Variants in ZCWPW2 observed in about 807,000 individuals in gnomAD.
The protein encoded by ZCWPW2 is zinc finger CW-type PWWP domain protein 2.
Under a neutral mutation model 46.6 loss-of-function variants are expected in ZCWPW2, and 45 were observed. The ratio of observed to expected loss-of-function variants is 0.96; its 90% CI spans 0.76 to 1.24. ZCWPW2 has a LOEUF of 1.24. ZCWPW2 is among the 50% of genes most tolerant of loss of function. The pLI, the probability that ZCWPW2 is intolerant of heterozygous loss-of-function variation, is 0.00. For missense variants in ZCWPW2, 429 were observed against 403.9 expected (o/e 1.06, Z -0.53); for synonymous variants, 152 against 137.1 (o/e 1.11, Z -0.76).
chr3:28,382,717 T>G (rs907600721), intron 1 of ZCWPW2, among the ~76,000 whole-genome samples: 10 of 152,174 alleles, frequency 6.6e-5, no homozygotes, highest in African/African-American at 2.4e-4. Flanking sequence ...ATACTGAGTC[T>G]TTGATAGGAA....
chr3:28,359,709 AATC>A (rs1208443900), intron 1 of ZCWPW2, among the ~76,000 whole-genome samples: 1 of 152,178 alleles, frequency 6.6e-6, no homozygotes, highest in Non-Finnish European at 1.5e-5. Flanking sequence ...GCAATCAGGA[AATC>A]ATCAACTATA....
intron 4 of ZCWPW2, among the ~76,000 whole-genome samples, chr3:28,450,066 T>G (rs573931082): frequency 6.6e-6 from 1 of 152,180 alleles, no homozygotes; most frequent in Non-Finnish European, 1.5e-5. Flanking sequence ...TCAGAATCTC[T>G]TGGAAAAGGG....
chr3:28,406,957 A>T lies in ZCWPW2; in HGVS notation c.-13-6099A>T, dbSNP rs987207205. 4.6e-5 allele frequency among the ~76,000 whole-genome samples: 7 copies of T among 151,912 alleles called. No individual in the cohort carries two copies. In the East Asian group the frequency reaches 1.4e-3, roughly 29 times the overall value. ...ATCCTCATGCCTCAGCCTTCTGAAT[A>T]ATGGGAATATAGGTGTGCCCTATAA... is the stretch of plus-strand genomic sequence containing the variant. On this transcript the variant is annotated intron_variant, in intron 2 of 9. Coordinates refer to ENST00000383768, the MANE Select transcript of ZCWPW2 (RefSeq NM_001040432.4).
At position 28,498,572 on chromosome 3, in the gene ZCWPW2, G is replaced by A. The variant is rs142688657; in HGVS notation, c.657+6399G>A. ...ATTTCTCCTTAGAATGACATAGGAA[G>A]TCAGGACTTAAGAAAATTTTAAATT... On this transcript the variant is annotated intron_variant, in intron 6 of 9. Transcript: ENST00000383768. Among the ~76,000 whole-genome samples, 5 of 151,868 alleles carry A rather than the reference G, an allele frequency of 3.3e-5. No individual in the cohort carries two copies. In the East Asian group the frequency reaches 9.7e-4, roughly 29 times the overall value.
intron 1 of ZCWPW2, among the ~76,000 whole-genome samples, chr3:28,352,267 C>T (rs765545115): frequency 3.9e-5 from 6 of 152,162 alleles, no homozygotes; most frequent in Non-Finnish European, 8.8e-5. Flanking sequence ...AACTGGGCAA[C>T]ATACATCCTT....
intron 1 of ZCWPW2, among the ~76,000 whole-genome samples, chr3:28,367,134 C>T (rs1705149725): frequency 6.6e-6 from 1 of 152,006 alleles, no homozygotes; most frequent in Admixed American, 6.6e-5. Flanking sequence ...TTTTTTGTGT[C>T]TCTCTTTCCT....
intron 4 of ZCWPW2, among the ~76,000 whole-genome samples, chr3:28,437,669 C>T (rs1431821270): frequency 1.3e-5 from 2 of 152,162 alleles, no homozygotes; most frequent in East Asian, 3.9e-4. Context: ...TTCATTGATA[C>T]ACTGAGATAC....
chr3:28,364,193 T>G (rs780874874), intron 1 of ZCWPW2, among the ~76,000 whole-genome samples: 14 of 152,222 alleles, frequency 9.2e-5, no homozygotes, highest in Non-Finnish European at 2.1e-4. Flanking sequence ...TATAAGTTGG[T>G]ACAACCACTT....
intron 1 of ZCWPW2, among the ~76,000 whole-genome samples, chr3:28,352,294 A>G (rs1021194856): frequency 1.3e-5 from 2 of 152,162 alleles, no homozygotes; most frequent in African/African-American, 2.4e-5. Flanking sequence ...TAACCTTGAG[A>G]GGAACATAAA....
At chr3:28,389,793 G>A (rs1340641729) in intron 1 of ZCWPW2, among the ~76,000 whole-genome samples, 2 of 152,192 alleles carry the variant, frequency 1.3e-5, no homozygotes, top group Non-Finnish European at 2.9e-5. Flanking sequence ...GGGGAGGCCA[G>A]TGGGCTGGAG....
At chr3:28,376,078 A>G (rs1360940852) in intron 1 of ZCWPW2, among the ~76,000 whole-genome samples, 1 of 152,030 alleles carries the variant, frequency 6.6e-6, no homozygotes, top group African/African-American at 2.4e-5. Context: ...AATCTTAACT[A>G]TTGTAATCAG....
intron 1 of ZCWPW2, among the ~76,000 whole-genome samples, chr3:28,355,276 G>A (rs908186840): frequency 6.6e-6 from 1 of 152,120 alleles, no homozygotes; most frequent in African/African-American, 2.4e-5. Context: ...AAAATACCTA[G>A]GAATCCAACT....
intron 5 of ZCWPW2, among the ~76,000 whole-genome samples, chr3:28,480,991 G>C (rs574994655): frequency 4.3e-4 from 64 of 150,192 alleles, no homozygotes; most frequent in African/African-American, 1.5e-3. Context: ...TCAGCCTCCC[G>C]AGTAGTTGGG....
Position 28,425,297 on chromosome 3 carries a change from C to G in ZCWPW2, c.333-9813C>G, listed in dbSNP as rs572468416. Among the ~76,000 whole-genome samples the G allele has an allele frequency of 2.0e-5, 3 of 152,284 alleles. No individual in the cohort carries two copies. The East Asian group carries it at 5.8e-4, about 29-fold the overall frequency. On this transcript the variant is annotated intron_variant, in intron 3 of 9. Transcript: ENST00000383768. The stretch of plus-strand genomic sequence containing the variant: ...CTCTTTATAAACTAAGTTGAGCACA[C>G]ACCTAAAATACAGATTAAGAAACTC...
In ZCWPW2 at chr3:28,474,621, G is replaced by GCA. The variant is rs777150852; in HGVS notation, c.493-4192_493-4191insAC. Among the ~76,000 whole-genome samples the GCA allele has an allele frequency of 1.6e-4, 20 of 125,942 alleles. No individual in the cohort carries two copies. In the East Asian group the frequency reaches 4.1e-3, roughly 26 times the overall value. 82.6% of individuals were successfully genotyped at this position (125,942 alleles called of 152,430 possible). A position where few individuals can be genotyped will look rare whatever the true frequency, so the allele number is the denominator to read the frequency against. The stretch of plus-strand genomic sequence containing the variant: ...TGTGTGTGTGTGTGTGTGTGTGTGT[G>GCA]CGCGCGCGCGCGCGCGCACATGCGC... On this transcript the variant is annotated intron_variant, in intron 4 of 9. Coordinates refer to ENST00000383768, the MANE Select transcript of ZCWPW2 (RefSeq NM_001040432.4).
chr3:28,452,711 A>G (rs1008731267), intron 4 of ZCWPW2, among the ~76,000 whole-genome samples: 30 of 152,340 alleles, frequency 2.0e-4, no homozygotes, highest in African/African-American at 6.5e-4. Context: ...TAGGCTCTCA[A>G]TAAATGTTAG....
Position 28,435,118 on chromosome 3 carries a change from G to T in ZCWPW2, c.341G>T (p.Gly114Val), listed in dbSNP as rs888044928. Residue 114 changes from glycine (G) to valine (V), a missense_variant, in exon 4 of 10, where the codon GGA (glycine) becomes GTA (valine). Transcript: ENST00000383768. ...ATATTTTCTTTTGAAAGTTGGCCAG[G>T]AATACTTTGCCCTGACCGTTTTAAA... is the stretch of plus-strand genomic sequence containing the variant. ...VKLQNWPSWP[G>V]ILCPDRFKGK... 1.9e-6 allele frequency: 3 copies of T among 1,606,032 alleles called. No individual in the cohort carries two copies. In the African/African-American group the frequency reaches 4.0e-5, roughly 22 times the overall value.
intron 6 of ZCWPW2, among the ~76,000 whole-genome samples, chr3:28,500,089 A>G (rs1263206059): frequency 6.6e-5 from 10 of 151,924 alleles, no homozygotes; most frequent in Non-Finnish European, 2.9e-5. Flanking sequence ...TTCCTCTCCT[A>G]CCCTATTCAT....
At chr3:28,419,741 C>T (rs1430855133) in intron 3 of ZCWPW2, among the ~76,000 whole-genome samples, 1 of 17,986 alleles carries the variant, frequency 5.6e-5, no homozygotes, top group African/African-American at 2.2e-4. Flanking sequence ...TACTATGCAG[C>T]CATAAAAAAA....
Sources: gnomAD v4.1 joint callset for allele counts (sites outside exome capture counted in the v4.1 genomes callset) on GRCh38, gnomAD v4.1.1 for gene constraint, MANE v1.5 for transcripts, NCBI Gene and HGNC (gene_info 2026-07-23, HGNC 2026-07-21) for gene names.